Variants in USP53 observed in about 807,000 individuals in gnomAD.
The protein encoded by USP53 is ubiquitin specific peptidase 53, also known as ubiquitin carboxyl-terminal hydrolase 53.
USP53 carries 71 observed loss-of-function variants against 94.9 expected under a neutral mutation model. The observed-to-expected ratio is 0.75, with a 90% CI of 0.62 to 0.91. USP53 has a LOEUF of 0.91. USP53 is among the 40% of genes least tolerant of loss of function. USP53 has a pLI of 0.00. For missense variants in USP53, 1,173 were observed against 1,281.0 expected, an observed-to-expected ratio of 0.92 and a Z score of 1.29; for synonymous variants, 375 against 422.7, an observed-to-expected ratio of 0.89 and a Z score of 1.39.
chr4:119,242,178 A>G (rs1438235144), intron 5 of USP53, among the ~76,000 whole-genome samples: 1 of 152,136 alleles, frequency 6.6e-6, no homozygotes, highest in Non-Finnish European at 1.5e-5. Flanking sequence ...TTATTTGTAT[A>G]AATACTGGGT....
In USP53 at chr4:119,271,691, C is replaced by T; in HGVS notation, c.1831C>T (p.Pro611Ser). Residue 611 changes from proline (P) to serine (S), a missense_variant, in exon 16 of 19, where the codon CCA (proline) becomes TCA (serine). Transcript: ENST00000692078. ...EKRQHSPRHK[P>S]NISNKPKSSK... ...AAGACAGCATAGTCCAAGACATAAA[C>T]CAAATATCAGTAATAAGCCTAAATC... 6.2e-7 allele frequency: 1 copy of T among 1,613,938 alleles called. No homozygotes were observed. Among genetic ancestry groups the T allele is most frequent in the Non-Finnish European group, 8.5e-7 (1 of 1,180,008 alleles).
chr4:119,212,824 T>C lies in USP53; in HGVS notation c.-991T>C. On this transcript the variant is annotated 5_prime_UTR_variant, in exon 1 of 19. Coordinates refer to ENST00000692078, the MANE Select transcript of USP53 (RefSeq NM_001371395.1). The stretch of plus-strand genomic sequence containing the variant: ...GCTCTGTGGGAGTGGAAGGCCTGTA[T>C]TTCTCTACCTGGACCGCACGCTCCT... The C allele has an allele frequency of 3.7e-6, 1 of 271,048 alleles. No homozygotes were observed. The highest frequency in any genetic ancestry group is 7.6e-6 in the Non-Finnish European group (1 of 131,898). 16.8% of individuals were successfully genotyped at this position (271,048 alleles called of 1,614,324 possible). A position where few individuals can be genotyped will look rare whatever the true frequency, so the allele number is the denominator to read the frequency against.
intron 4 of USP53, among the ~76,000 whole-genome samples, chr4:119,238,481 A>G (rs1747084734): frequency 6.6e-6 from 1 of 152,198 alleles, no homozygotes. Context: ...TACAATGGAA[A>G]CATCAAAGAT....
chr4:119,233,632 C>CA (rs1359033091), intron 3 of USP53, among the ~76,000 whole-genome samples: 1 of 152,080 alleles, frequency 6.6e-6, no homozygotes, highest in Non-Finnish European at 1.5e-5. Context: ...CTAGTTAACC[C>CA]ATCGGATTTT....
chr4:119,220,274 A>T (rs1287209026), intron 3 of USP53: 1 of 152,118 alleles, frequency 6.6e-6, no homozygotes, highest in Non-Finnish European at 1.5e-5. Context: ...TATGAAAATT[A>T]AATATATACT....
At chr4:119,268,518 A>G in intron 14 of USP53, 98 bp downstream of exon 14, 1 of 1,232,860 alleles carries the variant, frequency 8.1e-7, no homozygotes, top group Admixed American at 2.6e-5. Context: ...TGGCTGTGAA[A>G]AGATAATAAC....
At chr4:119,279,748 G>A (rs1447500814) in intron 17 of USP53, among the ~76,000 whole-genome samples, 1 of 152,246 alleles carries the variant, frequency 6.6e-6, no homozygotes, top group Non-Finnish European at 1.5e-5. Flanking sequence ...CTAGCAGTCA[G>A]CGAGATTCCA....
chr4:119,280,106 C>T (rs897409977), intron 17 of USP53, among the ~76,000 whole-genome samples: 27 of 152,176 alleles, frequency 1.8e-4, no homozygotes, highest in Admixed American at 7.2e-4. Context: ...TGTTCCTATT[C>T]GGCCATCTTG....
In USP53 at chr4:119,272,075, C is replaced by T. The variant is rs200480154; in HGVS notation, c.2174+41C>T. On this transcript the variant is annotated intron_variant, in intron 16 of 18. Transcript: ENST00000692078. ...AGTGAATCATTTTTCCATCACTCTT[C>T]TTTTTTGTTAATTGCATGAAGTAAT... 4.6e-4 allele frequency: 703 copies of T among 1,517,100 alleles called. No individual in the cohort carries two copies. The Middle Eastern group carries it at 5.0e-3, about 11-fold the overall frequency. 94.0% of individuals were successfully genotyped at this position (1,517,100 alleles called of 1,614,324 possible). A position where few individuals can be genotyped will look rare whatever the true frequency, so the allele number is the denominator to read the frequency against.
chr4:119,256,090 C>T (rs1357622868), intron 7 of USP53, among the ~76,000 whole-genome samples, 156 bp from the exon 8 acceptor site: 2 of 151,992 alleles, frequency 1.3e-5, no homozygotes, highest in African/African-American at 4.8e-5. Flanking sequence ...ATTGAACATT[C>T]GATCAAAGTG....
rs756955988 is a variant in USP53, at chr4:119,259,822, A to G, written c.572A>G (p.Asn191Ser). 10 of 1,606,216 alleles carry G rather than the reference A, an allele frequency of 6.2e-6. No homozygotes were observed. Among genetic ancestry groups the G allele is most frequent in the South Asian group, 2.2e-5 (2 of 88,974 alleles). Residue 191 changes from asparagine to serine, a missense_variant and splice_region_variant, in exon 10 of 19, where the codon AAT becomes AGT. Asn to Ser is a conservative substitution (Grantham distance 46). Coordinates refer to ENST00000692078, the MANE Select transcript of USP53 (RefSeq NM_001371395.1). ...TGGGATTGCTTCTTTTTTTGTAGCA[A>G]TGAGGTTGAAAGAATGTTGGAAAGG... ...VRYISTTALCNEVERMLERHE... is the reference protein window; with the variant it reads ...VRYISTTALCSEVERMLERHE...
intron 17 of USP53, among the ~76,000 whole-genome samples, chr4:119,285,650 T>G (rs1754019248): frequency 6.6e-6 from 1 of 151,948 alleles, no homozygotes; most frequent in African/African-American, 2.4e-5. Context: ...ATAAAAAATT[T>G]TGTCAGAAGT....
At chr4:119,280,581 G>C (rs2149456372) in intron 17 of USP53, among the ~76,000 whole-genome samples, 1 of 152,304 alleles carries the variant, frequency 6.6e-6, no homozygotes, top group Admixed American at 6.5e-5. Flanking sequence ...AAGTTTATGA[G>C]TAATGATGAG....
intron 17 of USP53, among the ~76,000 whole-genome samples, chr4:119,289,221 T>C (rs1354823590): frequency 6.6e-6 from 1 of 152,180 alleles, no homozygotes; most frequent in Non-Finnish European, 1.5e-5. Context: ...AGTAAATTAA[T>C]AAAATAATTG....
chr4:119,268,378 T>C lies in USP53; in HGVS notation c.1246T>C (p.Ser416Pro), dbSNP rs780696231. The change falls in exon 14 of 19, where the codon TCT (serine) becomes CCT (proline). Residue 416 changes from serine to proline, a missense_variant. Physicochemically the swap from Ser to Pro is moderately conservative, Grantham distance 74. Coordinates refer to ENST00000692078, the MANE Select transcript of USP53 (RefSeq NM_001371395.1). ...ATTTCCAACTGATAATATTTCATCA[T>C]CTAATCGGAGCCACAGTCACACAGG... is the stretch of plus-strand genomic sequence containing the variant. ...QKFPTDNISSSNRSHSHTGVG... is the reference protein window; with the variant it reads ...QKFPTDNISSPNRSHSHTGVG... 6.2e-7 allele frequency: 1 copy of C among 1,613,984 alleles called. No homozygotes were observed. The highest frequency in any genetic ancestry group is 8.5e-7 in the Non-Finnish European group (1 of 1,179,924).
intron 3 of USP53, among the ~76,000 whole-genome samples, chr4:119,229,545 T>A (rs1370199699): frequency 6.6e-6 from 1 of 152,190 alleles, no homozygotes; most frequent in African/African-American, 2.4e-5. Context: ...TTTGAGTTGG[T>A]ATAACAGTCC....
chr4:119,244,639 A>G (rs1747980572), intron 5 of USP53, among the ~76,000 whole-genome samples: 1 of 152,192 alleles, frequency 6.6e-6, no homozygotes, highest in Admixed American at 6.5e-5. Flanking sequence ...TCTAGAATTC[A>G]GGTTTTTCAG....
In USP53 at chr4:119,283,898, A is replaced by C. The variant is rs370681999; in HGVS notation, c.2252-7267A>C. On this transcript the variant is annotated intron_variant, in intron 17 of 18. Coordinates refer to ENST00000692078, the MANE Select transcript of USP53 (RefSeq NM_001371395.1). ...CACCTATATAGGAATTGAATGCCAC[A>C]GACACAGACAGGATCCTTCAGGAAA... Among the ~76,000 whole-genome samples the C allele has an allele frequency of 2.0e-5, 3 of 152,036 alleles. No homozygotes were observed. The South Asian group carries it at 6.2e-4, about 31-fold the overall frequency.
intron 5 of USP53, among the ~76,000 whole-genome samples, chr4:119,240,762 C>T (rs1023865008): frequency 6.6e-6 from 1 of 152,138 alleles, no homozygotes; most frequent in East Asian, 1.9e-4. Flanking sequence ...GAGCTGTATT[C>T]TCAGTTGCCT....
Sources: gnomAD v4.1 joint callset for allele counts (sites outside exome capture counted in the v4.1 genomes callset) on GRCh38, gnomAD v4.1.1 for gene constraint, MANE v1.5 for transcripts, NCBI Gene and HGNC (gene_info 2026-07-23, HGNC 2026-07-21) for gene names.